Variants in SORCS1 observed in about 807,000 individuals in gnomAD.
SORCS1 encodes the protein sortilin related VPS10 domain containing receptor 1, also known as VPS10 domain-containing receptor SorCS1.
Under a neutral mutation model 146.1 loss-of-function variants are expected in SORCS1, and 60 were observed. That is an observed-to-expected ratio of 0.41 (90% CI 0.33 to 0.51). The LOEUF is 0.51. Among genes scored for constraint, SORCS1 ranks in the 20% least tolerant of loss-of-function variants. SORCS1 has a pLI of 0.21. For missense variants in SORCS1, 1,352 were observed against 1,487.6 expected, an observed-to-expected ratio of 0.91 and a Z score of 1.50; for synonymous variants, 637 against 584.0, an observed-to-expected ratio of 1.09 and a Z score of -1.31.
intron 5 of SORCS1, among the ~76,000 whole-genome samples, chr10:106,746,034 A>G (rs1857714350): frequency 6.6e-6 from 1 of 152,202 alleles, no homozygotes; most frequent in South Asian, 2.1e-4. Context: ...ACTCTTCAAA[A>G]CTGTCCAGGT....
At chr10:107,094,032 G>A (rs1306964389) in intron 1 of SORCS1, among the ~76,000 whole-genome samples, 6 of 151,968 alleles carry the variant, frequency 3.9e-5, no homozygotes, top group Non-Finnish European at 5.9e-5. Flanking sequence ...TTAAAACTTC[G>A]AAAACCCCAC....
chr10:106,698,901 G>T (rs1263283598), intron 9 of SORCS1, among the ~76,000 whole-genome samples: 1 of 152,074 alleles, frequency 6.6e-6, no homozygotes, highest in African/African-American at 2.4e-5. Flanking sequence ...TCAGAACTAT[G>T]TCCAAACATC....
chr10:106,984,973 A>G (rs1956402785), intron 1 of SORCS1, among the ~76,000 whole-genome samples: 1 of 152,032 alleles, frequency 6.6e-6, no homozygotes, highest in African/African-American at 2.4e-5. Flanking sequence ...GGATCACCTG[A>G]GGTCAGAAGT....
At chr10:107,116,832 T>C (rs1034027918) in intron 1 of SORCS1, among the ~76,000 whole-genome samples, 2 of 152,238 alleles carry the variant, frequency 1.3e-5, no homozygotes, top group Middle Eastern at 3.2e-3. Flanking sequence ...ATATGATTTT[T>C]ATTTGCCAAT....
chr10:106,837,767 C>T (rs1339079129), intron 2 of SORCS1, among the ~76,000 whole-genome samples: 3 of 151,888 alleles, frequency 2.0e-5, no homozygotes, highest in African/African-American at 7.3e-5. Flanking sequence ...ACTCACATTC[C>T]AGTCTTGTCC....
intron 3 of SORCS1, among the ~76,000 whole-genome samples, chr10:106,807,506 T>C (rs574648150): frequency 1.2e-4 from 18 of 152,320 alleles, no homozygotes; most frequent in African/African-American, 4.3e-4. Flanking sequence ...AAGTAATTTC[T>C]CTTGGTTGGT....
At chr10:106,716,484 G>A (rs1482621303) in intron 6 of SORCS1, among the ~76,000 whole-genome samples, 1 of 152,162 alleles carries the variant, frequency 6.6e-6, no homozygotes, top group Non-Finnish European at 1.5e-5. Flanking sequence ...ACTGAAACCT[G>A]TTTCCTTCCC....
chr10:106,591,007 G>T (rs903569142), intron 24 of SORCS1, among the ~76,000 whole-genome samples: 1 of 152,134 alleles, frequency 6.6e-6, no homozygotes, highest in Non-Finnish European at 1.5e-5. Flanking sequence ...ATGCATACAC[G>T]AGAGATGGGG....
At chr10:106,852,810 A>T (rs1458266595) in intron 2 of SORCS1, among the ~76,000 whole-genome samples, 1 of 152,122 alleles carries the variant, frequency 6.6e-6, no homozygotes, top group Non-Finnish European at 1.5e-5. Flanking sequence ...TGAATATTAA[A>T]CCAGCTTTAC....
chr10:107,009,338 T>C (rs1367952943), intron 1 of SORCS1, among the ~76,000 whole-genome samples: 5 of 152,220 alleles, frequency 3.3e-5, no homozygotes, highest in African/African-American at 9.6e-5. Flanking sequence ...GACAATACAA[T>C]ATATACTGTT....
At chr10:107,027,268 C>T (rs1288338413) in intron 1 of SORCS1, among the ~76,000 whole-genome samples, 1 of 151,840 alleles carries the variant, frequency 6.6e-6, no homozygotes, top group African/African-American at 2.4e-5. Flanking sequence ...AGTGATGTGC[C>T]TCCTCTCACC....
At chr10:106,795,547 G>T (rs1408652544) in intron 3 of SORCS1, among the ~76,000 whole-genome samples, 1 of 152,122 alleles carries the variant, frequency 6.6e-6, no homozygotes, top group Non-Finnish European at 1.5e-5. Context: ...GTGATGTGGG[G>T]TTGCTGGCTA....
At chr10:106,986,551 TGTGA>T (rs1956485465) in intron 1 of SORCS1, among the ~76,000 whole-genome samples, 1 of 146,314 alleles carries the variant, frequency 6.8e-6, no homozygotes, top group Non-Finnish European at 1.5e-5. Context: ...TGTGTGTGTC[TGTGA>T]GTGTGTAACT....
At chr10:107,031,443 G>A (rs1958651732) in intron 1 of SORCS1, among the ~76,000 whole-genome samples, 1 of 151,914 alleles carries the variant, frequency 6.6e-6, no homozygotes, top group Non-Finnish European at 1.5e-5. Context: ...AGGGCTTGGA[G>A]GCACAGAGTA....
intron 2 of SORCS1, among the ~76,000 whole-genome samples, chr10:106,933,645 C>A (rs974987389): frequency 1.3e-5 from 2 of 152,048 alleles, no homozygotes; most frequent in East Asian, 1.9e-4. Flanking sequence ...GATGCCCCCC[C>A]ACCCCCAGCT....
chr10:107,157,116 T>G (rs1412663465), intron 1 of SORCS1, among the ~76,000 whole-genome samples: 1 of 152,206 alleles, frequency 6.6e-6, no homozygotes, highest in Non-Finnish European at 1.5e-5. Flanking sequence ...ATGGAAAACC[T>G]TAAGGATACA....
At chr10:106,868,516 A>G (rs186443735) in intron 2 of SORCS1, among the ~76,000 whole-genome samples, 1 of 152,346 alleles carries the variant, frequency 6.6e-6, no homozygotes, top group Non-Finnish European at 1.5e-5. Context: ...CCACAGTGCA[A>G]TAAATGTAGA....
At chr10:106,603,275 C>G (rs535927602) in intron 23 of SORCS1, among the ~76,000 whole-genome samples, 5 of 152,300 alleles carry the variant, frequency 3.3e-5, no homozygotes, top group East Asian at 3.9e-4. Context: ...GGCCTCAGGA[C>G]AGCAGCACGC....
chr10:106,969,239 T>C (rs1204295327), intron 1 of SORCS1, among the ~76,000 whole-genome samples: 1 of 152,192 alleles, frequency 6.6e-6, no homozygotes, highest in Non-Finnish European at 1.5e-5. Context: ...GGCTAGTGGG[T>C]GGGTATAAAA....
Sources: allele counts gnomAD v4.1 joint callset (sites outside exome capture counted in the v4.1 genomes callset), GRCh38; gene constraint gnomAD v4.1.1; transcripts MANE v1.5; gene names NCBI Gene and HGNC (gene_info 2026-07-23, HGNC 2026-07-21).